The following TMEM131 variants were observed in gnomAD, a reference collection of about 807,000 sequenced individuals.
The protein encoded by TMEM131 is 2610524E03Rik.
In TMEM131, 66 loss-of-function variants were observed where a neutral mutation model predicts 211.6. That is an observed-to-expected ratio of 0.31 (90% CI 0.26 to 0.38). The LOEUF is 0.38. Among genes scored for constraint, TMEM131 ranks in the 10% least tolerant of loss-of-function variants. TMEM131 has a pLI of 1.00. For synonymous variants in TMEM131, 844 were observed against 841.3 expected, an observed-to-expected ratio of 1.00 and a Z score of -0.06; for missense variants, 2,036 against 2,299.3, an observed-to-expected ratio of 0.89 and a Z score of 2.34.
chr2:97,995,152 G>A (rs1680435657), intron 1 of TMEM131, among the ~76,000 whole-genome samples: 1 of 152,220 alleles, frequency 6.6e-6, no homozygotes, highest in East Asian at 1.9e-4. Context: ...AAACAGAAGT[G>A]TCCTAAAATG....
chr2:97,798,214 A>G (rs555170795), intron 25 of TMEM131, among the ~76,000 whole-genome samples: 3 of 152,368 alleles, frequency 2.0e-5, no homozygotes, highest in Non-Finnish European at 4.4e-5. Flanking sequence ...AGTTATAGTT[A>G]AGGTTGAAAA....
chr2:97,846,911 T>G (rs1683466354), intron 5 of TMEM131, among the ~76,000 whole-genome samples: 4 of 152,136 alleles, frequency 2.6e-5, no homozygotes, highest in Admixed American at 2.6e-4. Context: ...GCCGGCGCGG[T>G]GGCTCACGCC....
chr2:97,837,475 A>G (rs754110984), intron 7 of TMEM131, among the ~76,000 whole-genome samples: 1 of 152,250 alleles, frequency 6.6e-6, no homozygotes, highest in Non-Finnish European at 1.5e-5. Context: ...ACTTACAAAA[A>G]TTACCAAGTT....
chr2:97,921,910 T>C (rs1019929753), intron 2 of TMEM131, among the ~76,000 whole-genome samples: 2 of 152,198 alleles, frequency 1.3e-5, no homozygotes, highest in African/African-American at 4.8e-5. Flanking sequence ...CTTTACAAAG[T>C]TGTTGCAGAG....
Position 97,990,316 on chromosome 2 carries a change from GA to G in TMEM131, c.187+5159del, listed in dbSNP as rs757056716. Among the ~76,000 whole-genome samples the G allele has an allele frequency of 1.5e-3, 218 of 140,942 alleles. 1 individual carries two copies. The highest frequency in any genetic ancestry group is 3.9e-3 in the African/African-American group (149 of 38,396). 92.5% of individuals were successfully genotyped at this position (140,942 alleles called of 152,430 possible). On this transcript the variant is annotated intron_variant, in intron 1 of 40. Coordinates refer to ENST00000186436, the MANE Select transcript of TMEM131 (RefSeq NM_015348.2). The stretch of plus-strand genomic sequence containing the variant: ...GTGATATGAAAGCTTGTGGCTGATT[GA>G]AAAAAAAAAAAAGTACATTTTACTT...
At chr2:97,947,939 A>G (rs1678120425) in intron 1 of TMEM131, among the ~76,000 whole-genome samples, 1 of 152,216 alleles carries the variant, frequency 6.6e-6, no homozygotes, top group Admixed American at 6.5e-5. Flanking sequence ...GGGAAAAGTA[A>G]TCTTTTCAAT....
rs3749081 is a variant in TMEM131, at chr2:97,766,528, G to C, written c.4523C>G (p.Pro1508Arg). 756 of 1,613,986 alleles carry C rather than the reference G, an allele frequency of 4.7e-4. 6 individuals are homozygous for C. The East Asian group carries it at 0.016, about 34-fold the overall frequency. Reference protein sequence around the residue: ...RRNLPSKIPLPTAMTSGSKSR... With the variant: ...RRNLPSKIPLRTAMTSGSKSR... ...TTTGGATCCACTTGTCATTGCAGTT[G>C]GAAGAGGAATCTTGCTTGGGAGATT... Residue 1508 changes from proline to arginine, a missense_variant, in exon 34 of 41, where the codon CCA becomes CGA. Pro to Arg is a moderately radical substitution (Grantham distance 103). Around this residue, in one of 3 missense-constraint regions of TMEM131, gnomAD observed 1,623 missense variants for 1,805.9 expected, o/e 0.90. Coordinates refer to ENST00000186436, the MANE Select transcript of TMEM131 (RefSeq NM_015348.2).
chr2:97,907,834 A>C (rs1350953281), intron 3 of TMEM131, among the ~76,000 whole-genome samples: 1 of 152,212 alleles, frequency 6.6e-6, no homozygotes, highest in Admixed American at 6.5e-5. Flanking sequence ...AAGGGCGCTC[A>C]CTAGAACAGG....
At chr2:97,776,579 AGTTT>A (rs1679744775) in intron 31 of TMEM131, among the ~76,000 whole-genome samples, 1 of 152,260 alleles carries the variant, frequency 6.6e-6, no homozygotes, top group South Asian at 2.1e-4. Flanking sequence ...CAGTTCAGTG[AGTTT>A]GGACAAACTC....
chr2:97,995,798 C>A lies in TMEM131; in HGVS notation c.-136G>T. On this transcript the variant is annotated 5_prime_UTR_variant, in exon 1 of 41. Coordinates refer to ENST00000186436, the MANE Select transcript of TMEM131 (RefSeq NM_015348.2). ...AACGGTTGCGAGCCCGGGGCTCGAT[C>A]TCCGAGCGTGGGCCTGGGTCCGTGC... The A allele has an allele frequency of 2.1e-6, 1 of 483,058 alleles. No individual in the cohort carries two copies. The highest frequency in any genetic ancestry group is 6.2e-5 in the East Asian group (1 of 16,048). 29.9% of individuals were successfully genotyped at this position (483,058 alleles called of 1,614,324 possible). A position where few individuals can be genotyped will look rare whatever the true frequency, so the allele number is the denominator to read the frequency against.
chr2:97,874,559 G>C (rs1449915876), intron 4 of TMEM131, among the ~76,000 whole-genome samples: 2 of 152,196 alleles, frequency 1.3e-5, no homozygotes, highest in Non-Finnish European at 2.9e-5. Context: ...AAGAGAGTGA[G>C]GCCCAATATT....
At chr2:97,912,207 G>A (rs1030319301) in intron 2 of TMEM131, among the ~76,000 whole-genome samples, 9 of 152,066 alleles carry the variant, frequency 5.9e-5, no homozygotes, top group Admixed American at 2.6e-4. Flanking sequence ...GTTATAATTC[G>A]ACAGTGAAAA....
At chr2:97,950,603 G>C (rs937320893) in intron 1 of TMEM131, among the ~76,000 whole-genome samples, 1 of 152,158 alleles carries the variant, frequency 6.6e-6, no homozygotes, top group African/African-American at 2.4e-5. Context: ...AACAGACTGG[G>C]AGAGCAGTTA....
chr2:97,756,970 G>T lies in TMEM131; in HGVS notation c.*129C>A. The T allele has an allele frequency of 9.1e-7, 1 of 1,103,062 alleles. No individual in the cohort carries two copies. Among genetic ancestry groups the T allele is most frequent in the South Asian group, 1.7e-5 (1 of 57,162 alleles). The allele number at this position is 1,103,062 out of a possible 1,614,324, so 68.3% of individuals were successfully genotyped here. On this transcript the variant is annotated 3_prime_UTR_variant, in exon 41 of 41. Coordinates refer to ENST00000186436, the MANE Select transcript of TMEM131 (RefSeq NM_015348.2). ...CGAGTGGTCTGAGCCTGCCCTGCTT[G>T]GGTCTGTTTTGCAAAGAAGAGGAGG... is the stretch of plus-strand genomic sequence containing the variant.
At chr2:97,950,115 A>G (rs1678233996) in intron 1 of TMEM131, among the ~76,000 whole-genome samples, 1 of 152,216 alleles carries the variant, frequency 6.6e-6, no homozygotes, top group Non-Finnish European at 1.5e-5. Context: ...CCAAAATTTC[A>G]GCACAAGACA....
At chr2:97,883,213 G>A (rs1375866058) in intron 4 of TMEM131, among the ~76,000 whole-genome samples, 1 of 152,214 alleles carries the variant, frequency 6.6e-6, no homozygotes, top group East Asian at 1.9e-4. Context: ...AGGTTTCAAT[G>A]TATGAATTTT....
At chr2:97,936,131 G>A (rs1175488426) in intron 1 of TMEM131, among the ~76,000 whole-genome samples, 9 of 152,122 alleles carry the variant, frequency 5.9e-5, no homozygotes, top group Non-Finnish European at 1.5e-5. Flanking sequence ...GAAAAGCCTC[G>A]ACCCTGGTAA....
chr2:97,955,394 G>A (rs1374955609), intron 1 of TMEM131, among the ~76,000 whole-genome samples: 1 of 152,044 alleles, frequency 6.6e-6, no homozygotes, highest in Non-Finnish European at 1.5e-5. Context: ...CTAAGACTGG[G>A]AAAAGGTGAT....
At chr2:97,924,764 T>TAG (rs1419903817) in intron 2 of TMEM131, among the ~76,000 whole-genome samples, 1 of 152,076 alleles carries the variant, frequency 6.6e-6, no homozygotes, top group Non-Finnish European at 1.5e-5. Flanking sequence ...GTGAACCTCT[T>TAG]AGAGGAGGAA....
Sources: allele counts gnomAD v4.1 joint callset (sites outside exome capture counted in the v4.1 genomes callset), GRCh38; gene constraint gnomAD v4.1.1; regional missense constraint gnomAD v4.1.1; transcripts MANE v1.5; gene names NCBI Gene and HGNC (gene_info 2026-07-23, HGNC 2026-07-21).